ZNF33A: variants seen among roughly 807,000 people sequenced by gnomAD.
The protein encoded by ZNF33A is brain my041 protein.
ZNF33A carries 9 observed loss-of-function variants against 15.9 expected under a neutral mutation model. That is an observed-to-expected ratio of 0.57 (90% confidence interval 0.34 to 0.99). The LOEUF (loss-of-function observed/expected upper bound fraction) is 0.99, where lower values mean the gene tolerates loss of function less well. Among genes scored for constraint, ZNF33A ranks in the 50% least tolerant of loss-of-function variants. The pLI, the probability that ZNF33A is intolerant of heterozygous loss-of-function variation, is 0.02. For synonymous variants in ZNF33A, 294 were observed against 324.2 expected (o/e 0.91, Z 1.00); for missense variants, 843 against 941.6 (o/e 0.90, Z 1.37).
intron 4 of ZNF33A, among the ~76,000 whole-genome samples, chr10:38,018,911 T>C (rs2064595847): frequency 6.6e-6 from 1 of 152,150 alleles, no homozygotes; most frequent in South Asian, 2.1e-4. Flanking sequence ...CACACTGTAA[T>C]TAAATTTTTG....
In ZNF33A at chr10:38,055,726, C is replaced by T; in HGVS notation, c.1602C>T (p.Phe534=). ...PYECYECGKT[F]CLKSDLTVHQ... ...AATGTTATGAATGTGGGAAAACCTTCTGCTTGAAGTCAGACCTCACAGTAC... is the reference window on the plus strand; with the variant it reads ...AATGTTATGAATGTGGGAAAACCTTTTGCTTGAAGTCAGACCTCACAGTAC... The change falls in exon 5 of 5, where the codon TTC becomes TTT. Residue 534 remains phenylalanine, a synonymous_variant. Coordinates refer to ENST00000432900, the MANE Select transcript of ZNF33A (RefSeq NM_006954.2). The T allele has an allele frequency of 6.2e-7, 1 of 1,613,318 alleles. No individual in the cohort carries two copies. Among genetic ancestry groups the T allele is most frequent in the Non-Finnish European group, 8.5e-7 (1 of 1,179,868 alleles).
At position 38,059,352 on chromosome 10, in the gene ZNF33A, A is replaced by G. The variant is rs1284567232; in HGVS notation, c.*2792A>G. The stretch of plus-strand genomic sequence containing the variant: ...TTTTCAGCATTGTACTGGAAGTGCT[A>G]TATAATGCAGTGTTAAAAAAAAAAG... On this transcript the variant is annotated 3_prime_UTR_variant, in exon 5 of 5. Transcript: ENST00000432900. 1.3e-5 allele frequency: 2 copies of G among 152,236 alleles called. No homozygotes were observed. The highest frequency in any genetic ancestry group is 2.9e-5 in the Non-Finnish European group (2 of 68,042). The allele number at this position is 152,236 out of a possible 1,614,324, so 9.4% of individuals were successfully genotyped here. A position where few individuals can be genotyped will look rare whatever the true frequency, so the allele number is the denominator to read the frequency against.
chr10:38,027,787 C>T (rs1357517504), intron 4 of ZNF33A, among the ~76,000 whole-genome samples: 2 of 152,162 alleles, frequency 1.3e-5, no homozygotes, highest in Non-Finnish European at 2.9e-5. Context: ...ACCCTTTATT[C>T]ATATATAGTA....
At chr10:38,044,167 CTGAT>C (rs1411767285) in intron 4 of ZNF33A, among the ~76,000 whole-genome samples, 8 of 150,130 alleles carry the variant, frequency 5.3e-5, no homozygotes, top group African/African-American at 2.0e-4. Flanking sequence ...TTTAAGTTTA[CTGAT>C]TATTTTGCCA....
chr10:38,045,928 G>C (rs1282350117), intron 4 of ZNF33A, among the ~76,000 whole-genome samples: 1 of 152,184 alleles, frequency 6.6e-6, no homozygotes, highest in Non-Finnish European at 1.5e-5. Flanking sequence ...CTACAGCAGT[G>C]TTTTGCTTTT....
intron 4 of ZNF33A, among the ~76,000 whole-genome samples, chr10:38,018,943 C>CT (rs968594631): frequency 1.5e-4 from 21 of 142,130 alleles, no homozygotes; most frequent in Admixed American, 2.8e-4. Context: ...CAAAAATTTT[C>CT]TTTTTTTTTT....
intron 4 of ZNF33A, among the ~76,000 whole-genome samples, chr10:38,041,432 C>T (rs1245006075): frequency 2.0e-5 from 3 of 151,934 alleles, no homozygotes; most frequent in Non-Finnish European, 2.9e-5. Flanking sequence ...ATAAGTCTTG[C>T]CTTATCAAAA....
chr10:38,054,362 T>C lies in ZNF33A; in HGVS notation c.251-13T>C. 16 of 1,516,640 alleles carry C rather than the reference T, an allele frequency of 1.1e-5. No homozygotes were observed. Among genetic ancestry groups the C allele is most frequent in the Non-Finnish European group, 1.3e-5 (15 of 1,138,820 alleles). 93.9% of individuals were successfully genotyped at this position (1,516,640 alleles called of 1,614,324 possible). ...GGTATTTATGTGGTAAGATTAATTT[T>C]GCTTGTTTCTAGAAGTCTGGACAGC... On this transcript the variant is annotated splice_polypyrimidine_tract_variant and intron_variant, in intron 4 of 4. Transcript: ENST00000432900.
At chr10:38,050,847 A>C (rs868362683) in intron 4 of ZNF33A, among the ~76,000 whole-genome samples, 2 of 152,202 alleles carry the variant, frequency 1.3e-5, no homozygotes, top group African/African-American at 4.8e-5. Context: ...GTAAAGTATT[A>C]GAAAATAAAA....
At chr10:38,038,232 T>C (rs1008387823) in intron 4 of ZNF33A, among the ~76,000 whole-genome samples, 1 of 152,136 alleles carries the variant, frequency 6.6e-6, no homozygotes, top group Admixed American at 6.5e-5. Context: ...CCCAAGTAGC[T>C]GGGACTACAG....
chr10:38,014,035 AT>A (rs10658326), intron 2 of ZNF33A, among the ~76,000 whole-genome samples: 112 of 80,362 alleles, frequency 1.4e-3, no homozygotes, highest in Admixed American at 3.8e-3. Flanking sequence ...ATGATGTCTG[AT>A]TTTTTTTTTT....
Position 38,022,773 on chromosome 10 carries a change from T to A in ZNF33A, c.250+5387T>A, listed in dbSNP as rs1280847646. On this transcript the variant is annotated intron_variant, in intron 4 of 4. Coordinates refer to ENST00000432900, the MANE Select transcript of ZNF33A (RefSeq NM_006954.2). ...AGATAATTTGAATGACCCATAGGTT[T>A]TCATAAAGGTTGACATAATTTGAAT... Among the ~76,000 whole-genome samples, 5 of 152,108 alleles carry A rather than the reference T, an allele frequency of 3.3e-5. 1 individual carries two copies. Among genetic ancestry groups the A allele is most frequent in the East Asian group, 3.9e-4 (2 of 5,194 alleles).
At chr10:38,014,758 C>G (rs996262875) in intron 2 of ZNF33A, among the ~76,000 whole-genome samples, 2 of 152,178 alleles carry the variant, frequency 1.3e-5, no homozygotes, top group African/African-American at 4.8e-5. Context: ...CACATTTTTT[C>G]TTCAGCAAGA....
At chr10:38,012,014 T>C (rs916619593) in intron 1 of ZNF33A, among the ~76,000 whole-genome samples, 2 of 152,178 alleles carry the variant, frequency 1.3e-5, no homozygotes, top group Non-Finnish European at 2.9e-5. Context: ...CCGAGGGAGA[T>C]TGAAATCCTT....
upstream of ZNF33A, chr10:38,010,497 A>C (rs2064117081): frequency 1.6e-6 from 1 of 617,624 alleles, no homozygotes; most frequent in Non-Finnish European, 2.9e-6. Flanking sequence ...CCAGGGCTGC[A>C]GGCAGTTCCA....
At chr10:38,036,279 A>G (rs2065450150) in intron 4 of ZNF33A, among the ~76,000 whole-genome samples, 1 of 152,054 alleles carries the variant, frequency 6.6e-6, no homozygotes, top group African/African-American at 2.4e-5. Flanking sequence ...GTCTACTAAA[A>G]ATACTAAATA....
chr10:38,011,045 G>A (rs1328475877), intron 1 of ZNF33A, among the ~76,000 whole-genome samples: 1 of 152,122 alleles, frequency 6.6e-6, no homozygotes, highest in African/African-American at 2.4e-5. Flanking sequence ...TGCGCAGTCC[G>A]CGCGCTGAGC....
intron 3 of ZNF33A, 59 bp from the exon 4 acceptor site, chr10:38,017,232 T>C (rs1171700602): frequency 2.0e-6 from 3 of 1,521,764 alleles, no homozygotes; most frequent in African/African-American, 1.4e-5. Flanking sequence ...TTCTTCCTGC[T>C]TCAAAGGCCT....
chr10:38,012,429 T>TTTG, intron 2 of ZNF33A, 79 bp downstream of exon 2: 1 of 1,247,634 alleles, frequency 8.0e-7, no homozygotes, highest in Non-Finnish European at 1.1e-6. Context: ...GTGTTTGTTT[T>TTTG]TTTTTTTTTT....
Sources: gnomAD v4.1 joint callset for allele counts (sites outside exome capture counted in the v4.1 genomes callset) on GRCh38, gnomAD v4.1.1 for gene constraint, MANE v1.5 for transcripts, NCBI Gene and HGNC (gene_info 2026-07-23, HGNC 2026-07-21) for gene names.